UGT2A2: variants seen among roughly 807,000 people sequenced by gnomAD.
The protein encoded by UGT2A2 is UDP glucuronosyltransferase family 2 member A2.
In UGT2A2, 60 loss-of-function variants were observed where a neutral mutation model predicts 50.7. That is an observed-to-expected ratio of 1.18 (90% confidence interval 0.96 to 1.47). The LOEUF is 1.47. Among genes scored for constraint, UGT2A2 ranks in the 40% most tolerant of loss-of-function variants. The probability of loss-of-function intolerance (pLI) is 0.00; values close to 1 mark genes in which losing one functional copy is unlikely to be tolerated. For missense variants in UGT2A2, 762 were observed against 634.0 expected (o/e 1.20, Z -2.17); for synonymous variants, 242 against 214.6 (o/e 1.13, Z -1.11).
At chr4:69,608,628 G>GA (rs1303664158) in intron 1 of UGT2A2, among the ~76,000 whole-genome samples, 1 of 146,976 alleles carries the variant, frequency 6.8e-6, no homozygotes, top group African/African-American at 2.5e-5. Flanking sequence ...AGGAAGGAGG[G>GA]AAAAAATGAA....
chr4:69,595,849 T>C, intron 3 of UGT2A2, among the ~76,000 whole-genome samples: 1 of 152,206 alleles, frequency 6.6e-6, no homozygotes, highest in East Asian at 1.9e-4. Flanking sequence ...GACATTCGAA[T>C]TATATTTTTA....
chr4:69,598,968 C>T (rs992636561), intron 2 of UGT2A2, among the ~76,000 whole-genome samples: 1 of 152,098 alleles, frequency 6.6e-6, no homozygotes, highest in African/African-American at 2.4e-5. Flanking sequence ...TTTCTATGAT[C>T]TGGTTTTCTG....
At chr4:69,590,597 G>A (rs7672793) in intron 5 of UGT2A2, among the ~76,000 whole-genome samples, 1,993 of 151,902 alleles carry the variant, frequency 0.013, 37 homozygotes, top group African/African-American at 0.046. Flanking sequence ...AGAGAACATG[G>A]TACAACTAGA....
chr4:69,607,233 G>A (rs1271028541), intron 1 of UGT2A2, among the ~76,000 whole-genome samples: 1 of 140,968 alleles, frequency 7.1e-6, no homozygotes, highest in Non-Finnish European at 1.6e-5. Context: ...AAAGACCAAT[G>A]GAACAGAACA....
chr4:69,616,713 G>T lies in UGT2A2; in HGVS notation c.743-17319C>A, dbSNP rs1289822908. ...TAGGATTTGCGATAGTTCATTTAGG[G>T]AGATAAGAAATGGAAAAGTATAAGC... On this transcript the variant is annotated intron_variant, in intron 1 of 5. Transcript: ENST00000604629. 5.9e-5 allele frequency among the ~76,000 whole-genome samples: 9 copies of T among 151,864 alleles called. No individual in the cohort carries two copies. The East Asian group carries it at 1.7e-3, about 29-fold the overall frequency.
chr4:69,612,703 C>CAATTTACCA (rs1720136218), intron 1 of UGT2A2, among the ~76,000 whole-genome samples: 1 of 151,920 alleles, frequency 6.6e-6, no homozygotes, highest in Non-Finnish European at 1.5e-5. Context: ...CGGATTGTCA[C>CAATTTACCA]AATTTACCCT....
chr4:69,600,030 G>T (rs1719176990), intron 1 of UGT2A2, among the ~76,000 whole-genome samples: 1 of 152,086 alleles, frequency 6.6e-6, no homozygotes, highest in Non-Finnish European at 1.5e-5. Flanking sequence ...TTTACAAGAA[G>T]CAACACAGAA....
chr4:69,602,484 T>TATC (rs1257250698), intron 1 of UGT2A2, among the ~76,000 whole-genome samples: 1 of 136,204 alleles, frequency 7.3e-6, no homozygotes, highest in Non-Finnish European at 1.6e-5. Context: ...TCTATCTATC[T>TATC]ATCTATCTAT....
chr4:69,616,447 T>C (rs539061154), intron 1 of UGT2A2, among the ~76,000 whole-genome samples: 35 of 152,120 alleles, frequency 2.3e-4, no homozygotes, highest in African/African-American at 8.4e-4. Context: ...CCTGATTTGA[T>C]CATTACACAT....
At chr4:69,595,294 G>A in intron 3 of UGT2A2, 45 bp from the exon 4 acceptor site, 1 of 1,599,614 alleles carries the variant, frequency 6.3e-7, no homozygotes, top group Non-Finnish European at 8.5e-7. Flanking sequence ...AACACAATGA[G>A]GACATTTTAA....
At chr4:69,589,684 A>T in intron 5 of UGT2A2, 33 bp from the exon 6 acceptor site, 1 of 1,563,590 alleles carries the variant, frequency 6.4e-7, no homozygotes, top group Middle Eastern at 1.7e-4. Context: ...GAAATTAGAC[A>T]ATTTTTGTTT....
intron 5 of UGT2A2, among the ~76,000 whole-genome samples, chr4:69,592,785 A>G (rs944996278): frequency 2.6e-5 from 4 of 152,102 alleles, no homozygotes; most frequent in African/African-American, 9.7e-5. Context: ...AAATGGAAAT[A>G]AAAGGCATTC....
chr4:69,599,320 A>T lies in UGT2A2; in HGVS notation c.817T>A (p.Phe273Ile). Reference protein sequence around the residue: ...WLIRTYWDFEFPRPYLPNFEF... With the variant: ...WLIRTYWDFEIPRPYLPNFEF... ...AAATTAGGTAAGTATGGACGAGGAAATTCAAAATCCCAATATGTTCGGATT... is the reference window on the plus strand; with the variant it reads ...AAATTAGGTAAGTATGGACGAGGAATTTCAAAATCCCAATATGTTCGGATT... Residue 273 changes from phenylalanine (F) to isoleucine (I), a missense_variant, in exon 2 of 6, where the codon TTT (phenylalanine) becomes ATT (isoleucine). Phe to Ile is a conservative substitution (Grantham distance 21). Coordinates refer to ENST00000604629, the MANE Select transcript of UGT2A2 (RefSeq NM_001105677.2). 6.2e-7 allele frequency: 1 copy of T among 1,613,930 alleles called. No individual in the cohort carries two copies. The highest frequency in any genetic ancestry group is 8.5e-7 in the Non-Finnish European group (1 of 1,179,946).
chr4:69,624,593 G>T (rs1399994905), intron 1 of UGT2A2, among the ~76,000 whole-genome samples: 4 of 150,630 alleles, frequency 2.7e-5, no homozygotes, highest in African/African-American at 7.3e-5. Context: ...GATCCTAGTT[G>T]ATTTTTTTTA....
chr4:69,608,338 C>A (rs1055058012), intron 1 of UGT2A2, among the ~76,000 whole-genome samples: 3 of 146,674 alleles, frequency 2.0e-5, no homozygotes, highest in African/African-American at 5.0e-5. Context: ...ACAAACACTG[C>A]ATGTTCTCAC....
chr4:69,639,566 TTCAG>T lies in UGT2A2; in HGVS notation c.71_74del (p.Thr24LysfsTer4). ...TTAACACATTCCCACTTAGAACAAC[TTCAG>T]TCAGAGTCAAATTAAAAACCAGCAT... On this transcript the variant is annotated frameshift_variant, in exon 1 of 6. Transcript: ENST00000604629. LOFTEE classifies it high-confidence loss of function. 6.2e-7 allele frequency: 1 copy of T among 1,611,804 alleles called. No individual in the cohort carries two copies. Among genetic ancestry groups the T allele is most frequent in the Non-Finnish European group, 8.5e-7 (1 of 1,179,096 alleles).
chr4:69,600,399 G>T (rs1213611650), intron 1 of UGT2A2, among the ~76,000 whole-genome samples: 1 of 152,172 alleles, frequency 6.6e-6, no homozygotes, highest in Admixed American at 6.5e-5. Flanking sequence ...GTGGTCACAG[G>T]TTGAGAGAGC....
chr4:69,605,995 C>T (rs1340727082), intron 1 of UGT2A2, among the ~76,000 whole-genome samples: 3 of 136,320 alleles, frequency 2.2e-5, no homozygotes, highest in Non-Finnish European at 3.1e-5. Context: ...ACCAGAAGTA[C>T]AAGGAGGAGC....
intron 3 of UGT2A2, 76 bp downstream of exon 3, chr4:69,596,174 T>C: frequency 7.3e-7 from 1 of 1,375,432 alleles, no homozygotes; most frequent in Non-Finnish European, 9.5e-7. Context: ...GATTTTCATA[T>C]GGAAAGAACA....
Sources: allele counts gnomAD v4.1 joint callset (sites outside exome capture counted in the v4.1 genomes callset), GRCh38; gene constraint gnomAD v4.1.1; transcripts MANE v1.5; gene names NCBI Gene and HGNC (gene_info 2026-07-23, HGNC 2026-07-21).